Variants in C12orf56 observed in about 807,000 individuals in gnomAD.
C12orf56 encodes uncharacterized protein C12orf56.
Under a neutral mutation model 69.9 loss-of-function variants are expected in C12orf56, and 71 were observed. That is an observed-to-expected ratio of 1.02 (90% CI 0.84 to 1.24). The LOEUF (loss-of-function observed/expected upper bound fraction) is 1.24. C12orf56 is among the 50% of genes most tolerant of loss of function. C12orf56 has a pLI of 0.00. For missense variants in C12orf56, 732 were observed against 738.5 expected (o/e 0.99, Z 0.10); for synonymous variants, 276 against 274.1 (o/e 1.01, Z -0.07).
At chr12:64,284,556 AG>A in intron 8 of C12orf56, 107 bp downstream of exon 8, 1 of 674,676 alleles carries the variant, frequency 1.5e-6, no homozygotes, top group Non-Finnish European at 2.4e-6. Context: ...TATACTTGGA[AG>A]GGTGTTGAAC....
At chr12:64,354,954 T>C (rs931803687) in intron 1 of C12orf56, among the ~76,000 whole-genome samples, 3 of 151,372 alleles carry the variant, frequency 2.0e-5, no homozygotes, top group African/African-American at 7.3e-5. Flanking sequence ...GGTGCATGCC[T>C]GTAGTCACAG....
At chr12:64,367,624 G>T (rs1224483760) in intron 1 of C12orf56, among the ~76,000 whole-genome samples, 1 of 150,548 alleles carries the variant, frequency 6.6e-6, no homozygotes, top group African/African-American at 2.4e-5. Flanking sequence ...TCCTGCCTCA[G>T]CCTCCCGAGT....
intron 1 of C12orf56, among the ~76,000 whole-genome samples, chr12:64,371,187 A>C (rs930544577): frequency 1.3e-5 from 2 of 152,062 alleles, no homozygotes; most frequent in African/African-American, 4.8e-5. Flanking sequence ...GGATCATCTG[A>C]GGTCAGGAGT....
chr12:64,363,324 C>T (rs927541032), intron 1 of C12orf56, among the ~76,000 whole-genome samples: 21 of 152,272 alleles, frequency 1.4e-4, no homozygotes, highest in African/African-American at 4.8e-4. Flanking sequence ...TAGCCAGGTG[C>T]ACCTTCTCTC....
chr12:64,284,561 G>T, intron 8 of C12orf56, 103 bp downstream of exon 8: 1 of 749,436 alleles, frequency 1.3e-6, no homozygotes, highest in Non-Finnish European at 2.1e-6. Flanking sequence ...TTGGAAGGGT[G>T]TTGAACAGGG....
At chr12:64,269,979 G>A (rs1294756367) in intron 12 of C12orf56, among the ~76,000 whole-genome samples, 4 of 152,060 alleles carry the variant, frequency 2.6e-5, no homozygotes, top group African/African-American at 9.7e-5. Context: ...GTGACAAACC[G>A]TTCTTCAAAG....
At chr12:64,373,204 A>G (rs985017959) in intron 1 of C12orf56, among the ~76,000 whole-genome samples, 2 of 152,124 alleles carry the variant, frequency 1.3e-5, no homozygotes, top group African/African-American at 4.8e-5. Context: ...GGAATACTCC[A>G]TATGAAATCT....
In C12orf56 at chr12:64,303,632, T is replaced by TA. The variant is rs1245344377; in HGVS notation, c.1113+2dup. The TA allele has an allele frequency of 3.9e-6, 6 of 1,537,436 alleles. No individual in the cohort carries two copies. The highest frequency in any genetic ancestry group is 4.4e-6 in the Non-Finnish European group (5 of 1,145,968). ...AAGATTAAAAATAAAACAAAACACT[T>TA]ACCTTCCAGAAAAGCCTTTTCAGAA... On this transcript the variant is annotated splice_region_variant and intron_variant, in intron 6 of 12. Transcript: ENST00000543942.
chr12:64,303,115 A>G (rs917404679), intron 6 of C12orf56, among the ~76,000 whole-genome samples: 1 of 151,918 alleles, frequency 6.6e-6, no homozygotes, highest in Non-Finnish European at 1.5e-5. Context: ...TCTACTAAGA[A>G]CACAAAAAAT....
intron 8 of C12orf56, among the ~76,000 whole-genome samples, chr12:64,282,547 G>GA (rs397732262): frequency 2.0e-5 from 3 of 151,406 alleles, no homozygotes; most frequent in Non-Finnish European, 2.9e-5. Flanking sequence ...GTAAGAGGGG[G>GA]CAGATCACTT....
Position 64,312,760 on chromosome 12 carries a change from A to C in C12orf56, c.895-8T>G. 1.3e-6 allele frequency: 2 copies of C among 1,526,392 alleles called. No individual in the cohort carries two copies. The highest frequency in any genetic ancestry group is 2.4e-5 in the South Asian group (2 of 83,756). 94.6% of individuals were successfully genotyped at this position (1,526,392 alleles called of 1,614,324 possible). ...TTGTAAAAGAGTAGCTTTCTGAAAA[A>C]GGAAAAAGTAGAAATTGTTAGAATT... On this transcript the variant is annotated splice_polypyrimidine_tract_variant and splice_region_variant and intron_variant, in intron 4 of 12. Coordinates refer to ENST00000543942, the MANE Select transcript of C12orf56 (RefSeq NM_001170633.2).
At chr12:64,306,477 A>T (rs2038514256) in intron 5 of C12orf56, among the ~76,000 whole-genome samples, 1 of 148,012 alleles carries the variant, frequency 6.8e-6, no homozygotes. Flanking sequence ...GGTTCAAGCG[A>T]TTCTTGTGCC....
At chr12:64,372,664 C>A (rs1235424584) in intron 1 of C12orf56, among the ~76,000 whole-genome samples, 3 of 152,146 alleles carry the variant, frequency 2.0e-5, no homozygotes, top group African/African-American at 7.2e-5. Context: ...CAGGCACACA[C>A]CAATATGTCC....
intron 12 of C12orf56, among the ~76,000 whole-genome samples, chr12:64,269,521 T>G (rs943515700): frequency 6.6e-6 from 1 of 152,198 alleles, no homozygotes; most frequent in African/African-American, 2.4e-5. Flanking sequence ...CTTTATCAAT[T>G]GCTTCTGTCC....
chr12:64,358,068 TA>T lies in C12orf56; in HGVS notation c.253-5013del, dbSNP rs1332939937. Reference sequence around the variant, plus strand: ...AAAGGAGGGATGATGACAGGTGTGATAAAAAGAAACTATGAATAGTGCTAGT... The same window carrying T: ...AAAGGAGGGATGATGACAGGTGTGATAAAAGAAACTATGAATAGTGCTAGT... On this transcript the variant is annotated intron_variant, in intron 1 of 12. Coordinates refer to ENST00000543942, the MANE Select transcript of C12orf56 (RefSeq NM_001170633.2). Among the ~76,000 whole-genome samples, 16 of 152,178 alleles carry T rather than the reference TA, an allele frequency of 1.1e-4. No individual in the cohort carries two copies. The South Asian group carries it at 2.5e-3, about 24-fold the overall frequency.
chr12:64,336,860 A>G (rs1251336013), intron 2 of C12orf56, among the ~76,000 whole-genome samples: 3 of 152,118 alleles, frequency 2.0e-5, no homozygotes, highest in African/African-American at 7.2e-5. Context: ...TATGCTAAAG[A>G]TTCAATCTTA....
intron 4 of C12orf56, among the ~76,000 whole-genome samples, chr12:64,316,853 A>G (rs2038697222): frequency 6.6e-6 from 1 of 152,200 alleles, no homozygotes; most frequent in Admixed American, 6.5e-5. Context: ...AACAATAGAT[A>G]TTAGTTATTG....
intron 8 of C12orf56, among the ~76,000 whole-genome samples, chr12:64,283,201 A>C (rs2038154663): frequency 6.9e-6 from 1 of 145,096 alleles, no homozygotes; most frequent in South Asian, 2.2e-4. Context: ...AATTAGGGCC[A>C]GTCATGGTGG....
chr12:64,337,162 T>A (rs753250827), intron 2 of C12orf56, among the ~76,000 whole-genome samples: 2 of 152,204 alleles, frequency 1.3e-5, no homozygotes, highest in Non-Finnish European at 2.9e-5. Flanking sequence ...TATATAGATA[T>A]AGATATACAG....
Sources: allele counts gnomAD v4.1 joint callset (sites outside exome capture counted in the v4.1 genomes callset), GRCh38; gene constraint gnomAD v4.1.1; transcripts MANE v1.5; gene names NCBI Gene and HGNC (gene_info 2026-07-23, HGNC 2026-07-21).